TOM1L2: variants seen among roughly 807,000 people sequenced by gnomAD.
TOM1L2 encodes the protein target of myb1 like 2 membrane trafficking protein.
TOM1L2 carries 31 observed loss-of-function variants against 67.9 expected under a neutral mutation model. The ratio of observed to expected loss-of-function variants is 0.46; its 90% confidence interval spans 0.34 to 0.62. The LOEUF (loss-of-function observed/expected upper bound fraction) is 0.62, where lower values mean the gene tolerates loss of function less well. Among genes scored for constraint, TOM1L2 ranks in the 20% least tolerant of loss-of-function variants. The probability of loss-of-function intolerance (pLI) is 0.01; values close to 1 mark genes in which losing one functional copy is unlikely to be tolerated. For missense variants in TOM1L2, 606 were observed against 663.5 expected (o/e 0.91, Z 0.95); for synonymous variants, 256 against 254.0 (o/e 1.01, Z -0.07).
At chr17:17,962,095 G>A (rs2041703167) in intron 1 of TOM1L2, among the ~76,000 whole-genome samples, 1 of 152,156 alleles carries the variant, frequency 6.6e-6, no homozygotes, top group Non-Finnish European at 1.5e-5. Flanking sequence ...AAGACATTAT[G>A]CAAGTGAAGT....
At chr17:17,940,217 A>T (rs1034884874) in intron 1 of TOM1L2, among the ~76,000 whole-genome samples, 5 of 151,236 alleles carry the variant, frequency 3.3e-5, no homozygotes, top group Non-Finnish European at 7.4e-5. Context: ...AAAAAAAAAA[A>T]AGGAAGAAGA....
At chr17:17,944,006 CCT>C (rs1355301420) in intron 1 of TOM1L2, among the ~76,000 whole-genome samples, 1 of 152,224 alleles carries the variant, frequency 6.6e-6, no homozygotes, top group East Asian at 1.9e-4. Flanking sequence ...TTACTCTGCC[CCT>C]CTCAGTGCAT....
chr17:17,847,252 A>C lies in TOM1L2; in HGVS notation c.*383T>G. ...GAATGCCTGAGAAGGTCGCTGAGCC[A>C]GGCAGAGGTGAGCACAGGGCGGGGC... On this transcript the variant is annotated 3_prime_UTR_variant, in exon 15 of 15. Coordinates refer to ENST00000379504, the MANE Select transcript of TOM1L2 (RefSeq NM_001082968.2). 1 of 240,670 alleles carries C rather than the reference A, an allele frequency of 4.2e-6. No individual in the cohort carries two copies. The highest frequency in any genetic ancestry group is 8.1e-6 in the Non-Finnish European group (1 of 123,110). 14.9% of individuals were successfully genotyped at this position (240,670 alleles called of 1,614,324 possible). A position where few individuals can be genotyped will look rare whatever the true frequency, so the allele number is the denominator to read the frequency against.
chr17:17,889,263 T>G (rs2038151751), intron 4 of TOM1L2, among the ~76,000 whole-genome samples: 1 of 152,116 alleles, frequency 6.6e-6, no homozygotes, highest in Non-Finnish European at 1.5e-5. Context: ...GGGGTAGGCA[T>G]CAGCTGGATT....
At chr17:17,920,792 G>T (rs1216945547) in intron 1 of TOM1L2, among the ~76,000 whole-genome samples, 1 of 149,484 alleles carries the variant, frequency 6.7e-6, no homozygotes, top group Admixed American at 6.7e-5. Context: ...CCGCCACCAT[G>T]CCCAGCTAAT....
rs1348950356 is a variant in TOM1L2, at chr17:17,898,628, G to A, written c.184C>T (p.Arg62Trp). 5.6e-6 allele frequency: 9 copies of A among 1,614,198 alleles called. No individual in the cohort carries two copies. Among genetic ancestry groups the A allele is most frequent in the East Asian group, 2.2e-5 (1 of 44,888 alleles). The change falls in exon 3 of 15, where the codon CGG becomes TGG. Residue 62 changes from arginine to tryptophan, a missense_variant. Arg to Trp is a moderately radical substitution (Grantham distance 101). This residue lies in a region of TOM1L2 where 63 missense variants were observed against 109.5 expected (regional missense o/e 0.58). Transcript: ENST00000379504. Reference protein sequence around the residue: ...RALKKRLNGNRNYREVMLALT... With the variant: ...RALKKRLNGNWNYREVMLALT... ...GCCAGCATCACCTCTCTGTAGTTCC[G>A]GTTCCCGTTGAGCCGCTTCTTCAGG...
At chr17:17,962,089 C>T (rs988482765) in intron 1 of TOM1L2, among the ~76,000 whole-genome samples, 1 of 152,154 alleles carries the variant, frequency 6.6e-6, no homozygotes, top group Non-Finnish European at 1.5e-5. Context: ...AACTTGAAGA[C>T]ATTATGCAAG....
Position 17,866,808 on chromosome 17 carries a change from C to T in TOM1L2, c.960+68G>A, listed in dbSNP as rs2036870835. ...CCAGTTAGAAAAACTGGAGGTCTCT[C>T]CAGCCTCCAAAACGTGGAGGGGTAG... On this transcript the variant is annotated intron_variant, in intron 9 of 14. Transcript: ENST00000379504. The T allele has an allele frequency of 4.8e-6, 7 of 1,459,326 alleles. No individual in the cohort carries two copies. In the Admixed American group the frequency reaches 1.0e-4, roughly 21 times the overall value. 90.4% of individuals were successfully genotyped at this position (1,459,326 alleles called of 1,614,324 possible).
intron 1 of TOM1L2, among the ~76,000 whole-genome samples, chr17:17,949,236 T>C (rs1057329223): frequency 6.6e-6 from 1 of 152,162 alleles, no homozygotes; most frequent in Non-Finnish European, 1.5e-5. Flanking sequence ...TGTTCTCCAA[T>C]GGGGAACAGC....
chr17:17,907,141 CTT>C (rs1189370769), intron 2 of TOM1L2, among the ~76,000 whole-genome samples: 1 of 152,238 alleles, frequency 6.6e-6, no homozygotes, highest in Admixed American at 6.5e-5. Context: ...CGAGGTGACA[CTT>C]GGGCTGCAGA....
chr17:17,875,790 C>T (rs769160652), intron 7 of TOM1L2, among the ~76,000 whole-genome samples: 2 of 152,160 alleles, frequency 1.3e-5, no homozygotes, highest in African/African-American at 2.4e-5. Flanking sequence ...TGAAGGAACA[C>T]GGAATAAGGT....
At chr17:17,933,843 A>T (rs1213633624) in intron 1 of TOM1L2, among the ~76,000 whole-genome samples, 1 of 152,222 alleles carries the variant, frequency 6.6e-6, no homozygotes, top group Non-Finnish European at 1.5e-5. Flanking sequence ...TTATTTTTTT[A>T]ATCAAATCCA....
chr17:17,945,286 A>ACT (rs1223568797), intron 1 of TOM1L2, among the ~76,000 whole-genome samples: 3,489 of 148,722 alleles, frequency 0.023, 132 homozygotes, highest in African/African-American at 0.079. Context: ...ACACACACAC[A>ACT]CACACTCTCT....
Position 17,884,664 on chromosome 17 carries a change from G to A in TOM1L2, c.471C>T (p.Asp157=), listed in dbSNP as rs139869743. The A allele has an allele frequency of 2.2e-5, 35 of 1,613,956 alleles. No individual in the cohort carries two copies. The highest frequency in any genetic ancestry group is 1.5e-4 in the African/African-American group (11 of 74,900). ...GTGGTGTGTGTATGGGAGACAGAGC[G>A]TCCAAGTCTGCCATGGGAAATTCAA... ...KGVEFPMADL[D]ALSPIHTPQR... The change falls in exon 5 of 15, where the codon GAC becomes GAT. Residue 157 remains aspartate, a synonymous_variant. Transcript: ENST00000379504.
At chr17:17,892,517 G>A (rs562570468) in intron 4 of TOM1L2, among the ~76,000 whole-genome samples, 3 of 152,148 alleles carry the variant, frequency 2.0e-5, no homozygotes, top group Admixed American at 6.5e-5. Context: ...AGAGCCCTTC[G>A]ATGTCTTCCC....
intron 7 of TOM1L2, among the ~76,000 whole-genome samples, chr17:17,873,075 C>T (rs8080061): frequency 0.53 from 80,453 of 151,994 alleles, 22,404 homozygotes; most frequent in Non-Finnish European, 0.63. Flanking sequence ...ACTTGCCACA[C>T]TGCTTAAGGG....
At chr17:17,914,791 G>T (rs2039559303) in intron 1 of TOM1L2, among the ~76,000 whole-genome samples, 2 of 152,174 alleles carry the variant, frequency 1.3e-5, no homozygotes, top group Admixed American at 1.3e-4. Flanking sequence ...GCAGGGGCTT[G>T]GAGGCACCTG....
At chr17:17,937,352 T>C (rs2040550776) in intron 1 of TOM1L2, among the ~76,000 whole-genome samples, 2 of 152,240 alleles carry the variant, frequency 1.3e-5, no homozygotes, top group Admixed American at 1.3e-4. Context: ...AAGGAAATGG[T>C]AGCCTGTGTG....
At chr17:17,956,067 T>C (rs1165492873) in intron 1 of TOM1L2, among the ~76,000 whole-genome samples, 1 of 152,138 alleles carries the variant, frequency 6.6e-6, no homozygotes, top group Non-Finnish European at 1.5e-5. Flanking sequence ...AGCAGCAACA[T>C]TTGTTTCAAA....
Sources: allele counts gnomAD v4.1 joint callset (sites outside exome capture counted in the v4.1 genomes callset), GRCh38; gene constraint gnomAD v4.1.1; regional missense constraint gnomAD v4.1.1; transcripts MANE v1.5; gene names NCBI Gene and HGNC (gene_info 2026-07-23, HGNC 2026-07-21).